CACNG5: variants seen among roughly 807,000 people sequenced by gnomAD.
CACNG5 encodes voltage-dependent calcium channel gamma-5 subunit.
CACNG5 carries 18 observed loss-of-function variants against 24.8 expected under a neutral mutation model. That is an observed-to-expected ratio of 0.73 (90% CI 0.50 to 1.08). The LOEUF (loss-of-function observed/expected upper bound fraction) is 1.08. Among genes scored for constraint, CACNG5 ranks in the 50% least tolerant of loss-of-function variants. The probability of loss-of-function intolerance (pLI) is 0.00; values close to 1 mark genes in which losing one functional copy is unlikely to be tolerated. For missense variants in CACNG5, 349 were observed against 367.9 expected (o/e 0.95, Z 0.42); for synonymous variants, 157 against 149.1 (o/e 1.05, Z -0.39).
intron 1 of CACNG5, among the ~76,000 whole-genome samples, chr17:66,851,533 A>G (rs1163394813): frequency 1.3e-5 from 2 of 152,224 alleles, no homozygotes; most frequent in African/African-American, 2.4e-5. Context: ...AGTCTATAAA[A>G]TAAATCCAAT....
rs184036317 is a variant in CACNG5, at chr17:66,846,898, G to A, written c.-104+11648G>A. Among the ~76,000 whole-genome samples the A allele has an allele frequency of 6.7e-4, 102 of 152,304 alleles. 1 individual carries two copies. The highest frequency in any genetic ancestry group is 5.9e-3 in the Admixed American group (90 of 15,296). On this transcript the variant is annotated intron_variant, in intron 1 of 5. Coordinates refer to ENST00000533854, the MANE Select transcript of CACNG5 (RefSeq NM_145811.3). Reference sequence around the variant, plus strand: ...ACGCTCCCACCTGCAAAGTATGAGGGTTCCAATTTCTCCACATCCTCGCCA... The same window carrying A: ...ACGCTCCCACCTGCAAAGTATGAGGATTCCAATTTCTCCACATCCTCGCCA...
chr17:66,884,981 A>G lies in CACNG5; in HGVS notation c.571-2A>G. On this transcript the variant is annotated splice_acceptor_variant, in intron 5 of 5. Coordinates refer to ENST00000533854, the MANE Select transcript of CACNG5 (RefSeq NM_145811.3). LOFTEE classifies it high-confidence loss of function. ...CCATCCTCTGCTGTCTTCTCCCTGT[A>G]GAGTGCCGGGGTGATGTCTGTGTAC... The G allele has an allele frequency of 6.2e-7, 1 of 1,614,058 alleles. No homozygotes were observed. Among genetic ancestry groups the G allele is most frequent in the Non-Finnish European group, 8.5e-7 (1 of 1,179,972 alleles).
intron 4 of CACNG5, among the ~76,000 whole-genome samples, chr17:66,881,487 C>A (rs1977157171): frequency 6.6e-6 from 1 of 152,222 alleles, no homozygotes; most frequent in Non-Finnish European, 1.5e-5. Flanking sequence ...CCCTCCTAGA[C>A]CCCTTCAACA....
intron 1 of CACNG5, among the ~76,000 whole-genome samples, chr17:66,854,361 G>T (rs1469140113): frequency 1.3e-5 from 2 of 151,782 alleles, no homozygotes; most frequent in Non-Finnish European, 2.9e-5. Context: ...CTGGGAGGCA[G>T]AGTGCAGTGA....
intron 1 of CACNG5, among the ~76,000 whole-genome samples, chr17:66,840,354 G>A (rs980664866): frequency 6.6e-6 from 1 of 152,176 alleles, no homozygotes; most frequent in African/African-American, 2.4e-5. Context: ...CTGAGGAGGA[G>A]GTCTGGCCCT....
Position 66,886,256 on chromosome 17 carries a change from A to G in CACNG5, c.*1016A>G, listed in dbSNP as rs1481968337. ...AGCTGGATTTGAGGACACCTGGTGC[A>G]GCTTGAGTGCAAACAAAGGCAGACT... On this transcript the variant is annotated 3_prime_UTR_variant, in exon 6 of 6. Transcript: ENST00000533854. Among the ~76,000 whole-genome samples, 2 of 152,240 alleles carry G rather than the reference A, an allele frequency of 1.3e-5. No homozygotes were observed. The highest frequency in any genetic ancestry group is 4.8e-5 in the African/African-American group (2 of 41,462).
chr17:66,877,062 T>G (rs1277589592), intron 1 of CACNG5, among the ~76,000 whole-genome samples, 168 bp from the exon 2 acceptor site: 1 of 152,158 alleles, frequency 6.6e-6, no homozygotes, highest in Admixed American at 6.5e-5. Flanking sequence ...AGGGGGTCCT[T>G]GCAGTGGCAT....
At chr17:66,859,761 TG>T (rs1421602783) in intron 1 of CACNG5, among the ~76,000 whole-genome samples, 1 of 152,110 alleles carries the variant, frequency 6.6e-6, no homozygotes, top group African/African-American at 2.4e-5. Context: ...TGGAGGGGGC[TG>T]GGCATGATCA....
At chr17:66,874,353 C>G (rs73994658) in intron 1 of CACNG5, among the ~76,000 whole-genome samples, 1,692 of 152,250 alleles carry the variant, frequency 0.011, 27 homozygotes, top group African/African-American at 0.038. Context: ...GTTGCTATAA[C>G]AGAATACCTG....
chr17:66,874,379 T>C (rs1175536762), intron 1 of CACNG5, among the ~76,000 whole-genome samples: 3 of 152,214 alleles, frequency 2.0e-5, no homozygotes, highest in African/African-American at 7.2e-5. Flanking sequence ...GGATAATTTA[T>C]AAAGAAAAGA....
chr17:66,838,889 T>C (rs982734058), intron 1 of CACNG5, among the ~76,000 whole-genome samples: 1 of 150,988 alleles, frequency 6.6e-6, no homozygotes, highest in Non-Finnish European at 1.5e-5. Context: ...TCCTGGGCAG[T>C]GTAGGATGCT....
rs762235169 is a variant in CACNG5 at position 66,877,549 on chromosome 17, G to C, written c.196+21G>C. 26 of 1,604,440 alleles carry C rather than the reference G, an allele frequency of 1.6e-5. No homozygotes were observed. The Admixed American group carries it at 2.5e-4, about 15-fold the overall frequency. On this transcript the variant is annotated intron_variant, in intron 2 of 5. Coordinates refer to ENST00000533854, the MANE Select transcript of CACNG5 (RefSeq NM_145811.3). ...TGCAGGTAAGGGTGCCCAGGGTTGG[G>C]GACAGCCCTGCCCCCTGACATCACC...
At chr17:66,883,958 C>T (rs1341059308) in intron 4 of CACNG5, among the ~76,000 whole-genome samples, 2 of 152,042 alleles carry the variant, frequency 1.3e-5, no homozygotes, top group Admixed American at 1.3e-4. Context: ...CATGGAGAAA[C>T]CTTGTCTCTA....
At chr17:66,861,700 C>T (rs946483061) in intron 1 of CACNG5, among the ~76,000 whole-genome samples, 1 of 152,144 alleles carries the variant, frequency 6.6e-6, no homozygotes, top group Non-Finnish European at 1.5e-5. Context: ...CACAGGGTAC[C>T]AAATTGTTTT....
At chr17:66,854,432 A>T (rs1976744885) in intron 1 of CACNG5, among the ~76,000 whole-genome samples, 1 of 150,400 alleles carries the variant, frequency 6.6e-6, no homozygotes, top group Non-Finnish European at 1.5e-5. Context: ...ACTCAAAAAA[A>T]AAAAATAGTG....
intron 1 of CACNG5, among the ~76,000 whole-genome samples, chr17:66,860,362 G>A (rs1350772428): frequency 1.3e-5 from 2 of 152,096 alleles, no homozygotes; most frequent in African/African-American, 4.8e-5. Flanking sequence ...AATGTCAAAA[G>A]ACAAAGATAA....
chr17:66,884,534 G>T lies in CACNG5; in HGVS notation c.443G>T (p.Gly148Val), dbSNP rs924061970. The change falls in exon 5 of 6, where the codon GGC (glycine) becomes GTC (valine). Residue 148 changes from glycine to valine, a missense_variant. Coordinates refer to ENST00000533854, the MANE Select transcript of CACNG5 (RefSeq NM_145811.3). ...CAACCAGGCCTCTCTCTCGTGGTGG[G>T]CCTGGTGCTCTACATCTCCAGCATC... ...FILSGLSLVV[G>V]LVLYISSIND... 21 of 1,612,582 alleles carry T rather than the reference G, an allele frequency of 1.3e-5. No homozygotes were observed. Among genetic ancestry groups the T allele is most frequent in the Non-Finnish European group, 1.8e-5 (21 of 1,179,234 alleles).
intron 1 of CACNG5, among the ~76,000 whole-genome samples, chr17:66,836,820 C>T (rs940993445): frequency 6.6e-6 from 1 of 152,206 alleles, no homozygotes; most frequent in African/African-American, 2.4e-5. Context: ...GATGTGAGAA[C>T]CCCAGCATCC....
intron 1 of CACNG5, among the ~76,000 whole-genome samples, chr17:66,862,439 A>G (rs1217122779): frequency 2.6e-5 from 4 of 151,786 alleles, no homozygotes; most frequent in Non-Finnish European, 5.9e-5. Flanking sequence ...CTCTCTGTAT[A>G]TGTGTGTGTG....
Sources: allele counts gnomAD v4.1 joint callset (sites outside exome capture counted in the v4.1 genomes callset), GRCh38; gene constraint gnomAD v4.1.1; transcripts MANE v1.5; gene names NCBI Gene and HGNC (gene_info 2026-07-23, HGNC 2026-07-21).